The following GADL1 variants were observed in gnomAD, a reference collection of about 807,000 sequenced individuals.
GADL1 encodes the protein GAD like acidic amino acid decarboxylase 1.
GADL1 carries 71 observed loss-of-function variants against 69.5 expected under a neutral mutation model. That is an observed-to-expected ratio of 1.02 (90% CI 0.84 to 1.25). GADL1 has a LOEUF of 1.25. Ranked by LOEUF, GADL1 falls within the 50% of genes most tolerant of loss-of-function variation. The pLI is 0.00. For missense variants in GADL1, 737 were observed against 631.8 expected (o/e 1.17, Z -1.79); for synonymous variants, 254 against 214.4 (o/e 1.18, Z -1.62).
intron 1 of GADL1, among the ~76,000 whole-genome samples, chr3:30,867,439 T>TATATATATATATATGTATATATATAC (rs1319135425): frequency 1.4e-5 from 2 of 138,838 alleles, no homozygotes; most frequent in Non-Finnish European, 3.1e-5. Flanking sequence ...TATATATATA[T>TATATATATATATATGTATATATATAC]ACACATATAT....
At chr3:30,838,859 A>G (rs1382157867) in intron 9 of GADL1, 138 bp downstream of exon 9, 2 of 568,934 alleles carry the variant, frequency 3.5e-6, no homozygotes, top group Non-Finnish European at 3.2e-6. Flanking sequence ...AGAAAGTGGC[A>G]TACTTATTTC....
intron 14 of GADL1, among the ~76,000 whole-genome samples, chr3:30,768,039 C>A (rs1039707993): frequency 1.5e-4 from 2 of 13,640 alleles, no homozygotes; most frequent in South Asian, 2.3e-3. Flanking sequence ...CCCCATACCC[C>A]CCCCCCCCTT....
intron 11 of GADL1, among the ~76,000 whole-genome samples, chr3:30,804,608 G>T (rs933519361): frequency 2.0e-5 from 3 of 152,126 alleles, no homozygotes; most frequent in Non-Finnish European, 2.9e-5. Flanking sequence ...CAAGAATCTT[G>T]TTAGATGTCT....
rs564802137 is a variant in GADL1 at position 30,770,504 on chromosome 3, C to T, written c.1392+7675G>A. Reference sequence around the variant, plus strand: ...CAGAACAATAGATGTTCATGAAATGCAGATTTAGCTGTGTTCCTTGGCCTC... The same window carrying T: ...CAGAACAATAGATGTTCATGAAATGTAGATTTAGCTGTGTTCCTTGGCCTC... On this transcript the variant is annotated intron_variant, in intron 14 of 14. Transcript: ENST00000282538. Among the ~76,000 whole-genome samples the T allele has an allele frequency of 6.7e-4, 102 of 152,300 alleles. 1 individual carries two copies. Among genetic ancestry groups the T allele is most frequent in the African/African-American group, 2.3e-3 (95 of 41,562 alleles).
At chr3:30,819,554 T>A (rs1697534900) in intron 11 of GADL1, among the ~76,000 whole-genome samples, 1 of 152,140 alleles carries the variant, frequency 6.6e-6, no homozygotes, top group Non-Finnish European at 1.5e-5. Context: ...GTAATTTAGA[T>A]GAGCACACTC....
intron 1 of GADL1, among the ~76,000 whole-genome samples, chr3:30,871,266 C>A (rs964377631): frequency 1.3e-5 from 2 of 151,286 alleles, no homozygotes; most frequent in Non-Finnish European, 2.9e-5. Context: ...AAGAAGACTG[C>A]CTTAGAAAGA....
At chr3:30,819,687 A>G (rs1285326949) in intron 11 of GADL1, among the ~76,000 whole-genome samples, 1 of 152,150 alleles carries the variant, frequency 6.6e-6, no homozygotes, top group African/African-American at 2.4e-5. Flanking sequence ...AAGGACATGA[A>G]AAATAAATGC....
Position 30,825,476 on chromosome 3 carries a change from G to T in GADL1, c.1050+8377C>A, listed in dbSNP as rs530967818. ...AAAAATTGACTCCCTGTAATCTTTT[G>T]CCCATGAAGCAACAAAGCTAGAAAG... On this transcript the variant is annotated intron_variant, in intron 11 of 14. Coordinates refer to ENST00000282538, the MANE Select transcript of GADL1 (RefSeq NM_207359.3). Among the ~76,000 whole-genome samples the T allele has an allele frequency of 5.9e-5, 9 of 151,976 alleles. No individual in the cohort carries two copies. The East Asian group carries it at 9.7e-4, about 16-fold the overall frequency.
intron 11 of GADL1, among the ~76,000 whole-genome samples, chr3:30,829,491 A>G (rs1057289014): frequency 2.6e-5 from 4 of 151,930 alleles, no homozygotes; most frequent in Non-Finnish European, 5.9e-5. Context: ...AGAAGAACCA[A>G]TTAGAATCAC....
intron 3 of GADL1, among the ~76,000 whole-genome samples, chr3:30,855,456 C>G (rs1248641490): frequency 1.3e-5 from 2 of 152,024 alleles, no homozygotes; most frequent in Non-Finnish European, 2.9e-5. Flanking sequence ...CACTGAGCAG[C>G]CTTTTCATTT....
At chr3:30,782,164 G>T (rs1439619838) in intron 13 of GADL1, among the ~76,000 whole-genome samples, 1 of 152,204 alleles carries the variant, frequency 6.6e-6, no homozygotes, top group African/African-American at 2.4e-5. Flanking sequence ...GTACTTGGAA[G>T]CTTGGGCTTG....
chr3:30,753,489 A>G (rs1464164386), intron 14 of GADL1, among the ~76,000 whole-genome samples: 1 of 138,412 alleles, frequency 7.2e-6, no homozygotes, highest in African/African-American at 2.8e-5. Flanking sequence ...TAAAAAACCA[A>G]ATTTAAGGAA....
At chr3:30,809,850 T>C (rs973171673) in intron 11 of GADL1, among the ~76,000 whole-genome samples, 1 of 152,262 alleles carries the variant, frequency 6.6e-6, no homozygotes. Flanking sequence ...ACATTCATAC[T>C]GCAAGAAGGG....
At chr3:30,811,598 C>T (rs756964060) in intron 11 of GADL1, among the ~76,000 whole-genome samples, 22 of 152,130 alleles carry the variant, frequency 1.4e-4, no homozygotes, top group Non-Finnish European at 2.9e-4. Flanking sequence ...CCCTACCACA[C>T]ATGAAACTGA....
At chr3:30,778,147 A>C in intron 14 of GADL1, 32 bp downstream of exon 14, 1 of 1,276,732 alleles carries the variant, frequency 7.8e-7, no homozygotes, top group African/African-American at 1.5e-5. Context: ...CTACTTCATC[A>C]AAAAGAAAAA....
chr3:30,761,443 C>T (rs577648988), intron 14 of GADL1, among the ~76,000 whole-genome samples: 8 of 151,294 alleles, frequency 5.3e-5, no homozygotes, highest in South Asian at 4.2e-4. Flanking sequence ...CACACATTTT[C>T]GCAGTCAATT....
chr3:30,817,022 G>C (rs1022627898), intron 11 of GADL1, among the ~76,000 whole-genome samples: 1 of 152,070 alleles, frequency 6.6e-6, no homozygotes, highest in Admixed American at 6.6e-5. Flanking sequence ...GACATACAGT[G>C]CCCATACCCC....
At chr3:30,764,480 G>A (rs1696221715) in intron 14 of GADL1, among the ~76,000 whole-genome samples, 2 of 152,132 alleles carry the variant, frequency 1.3e-5, no homozygotes, top group African/African-American at 2.4e-5. Context: ...TGGAAGTAGA[G>A]CCAAGTGTAG....
chr3:30,795,239 C>T (rs1172994741), intron 12 of GADL1, among the ~76,000 whole-genome samples: 1 of 152,038 alleles, frequency 6.6e-6, no homozygotes, highest in African/African-American at 2.4e-5. Context: ...CATCAGTGGG[C>T]TTCATGGGAA....
Sources: allele counts gnomAD v4.1 joint callset (sites outside exome capture counted in the v4.1 genomes callset), GRCh38; gene constraint gnomAD v4.1.1; transcripts MANE v1.5; gene names NCBI Gene and HGNC (gene_info 2026-07-23, HGNC 2026-07-21).